Variants in VSTM4 observed in about 807,000 individuals in gnomAD.
VSTM4 encodes V-set and transmembrane domain containing 4.
VSTM4 carries 20 observed loss-of-function variants against 36.4 expected under a neutral mutation model. That is an observed-to-expected ratio of 0.55 (90% confidence interval 0.39 to 0.80). VSTM4 has a LOEUF of 0.80. Ranked by LOEUF, VSTM4 falls within the 30% of genes least tolerant of loss-of-function variation. The pLI is 0.00. For synonymous variants in VSTM4, 182 were observed against 173.9 expected, an observed-to-expected ratio of 1.05 and a Z score of -0.37; for missense variants, 392 against 404.5, an observed-to-expected ratio of 0.97 and a Z score of 0.26.
intron 1 of VSTM4, among the ~76,000 whole-genome samples, chr10:49,111,917 A>T (rs982913306): frequency 6.6e-6 from 1 of 152,062 alleles, no homozygotes; most frequent in Non-Finnish European, 1.5e-5. Flanking sequence ...GACTCTGGGG[A>T]TGTGAGCTTG....
intron 7 of VSTM4, among the ~76,000 whole-genome samples, chr10:49,027,840 G>A (rs561244953): frequency 5.8e-4 from 88 of 152,348 alleles, no homozygotes; most frequent in Middle Eastern, 3.4e-3. Context: ...CTCACCTGCT[G>A]GATGACTTGT....
At chr10:49,110,538 G>A (rs990661833) in intron 1 of VSTM4, among the ~76,000 whole-genome samples, 5 of 152,134 alleles carry the variant, frequency 3.3e-5, no homozygotes, top group Non-Finnish European at 7.3e-5. Flanking sequence ...GGGTTGAATT[G>A]TGTCCTCCCA....
At chr10:49,041,225 T>C (rs1315898500) in intron 7 of VSTM4, among the ~76,000 whole-genome samples, 1 of 152,174 alleles carries the variant, frequency 6.6e-6, no homozygotes, top group African/African-American at 2.4e-5. Flanking sequence ...AAACTAATGG[T>C]CTGATAGAGG....
At chr10:49,086,609 C>T (rs1227399013) in intron 2 of VSTM4, among the ~76,000 whole-genome samples, 4 of 152,164 alleles carry the variant, frequency 2.6e-5, no homozygotes, top group Admixed American at 2.6e-4. Flanking sequence ...TTGAACATCA[C>T]ATTAAAGGAG....
In VSTM4 at chr10:49,069,386, C is replaced by G. The variant is rs531870680; in HGVS notation, c.635-4650G>C. 2.6e-5 allele frequency among the ~76,000 whole-genome samples: 4 copies of G among 152,328 alleles called. No individual in the cohort carries two copies. The South Asian group carries it at 8.3e-4, about 32-fold the overall frequency. Reference sequence around the variant, plus strand: ...GAGGCAAGGACTGTGGCAACCCTGGCGTTGCAAGGGGTCACAGTACTTCAT... The same window carrying G: ...GAGGCAAGGACTGTGGCAACCCTGGGGTTGCAAGGGGTCACAGTACTTCAT... On this transcript the variant is annotated intron_variant, in intron 4 of 7. Coordinates refer to ENST00000332853, the MANE Select transcript of VSTM4 (RefSeq NM_001031746.5).
intron 5 of VSTM4, among the ~76,000 whole-genome samples, chr10:49,055,747 G>A (rs1246381079): frequency 6.6e-6 from 1 of 152,206 alleles, no homozygotes; most frequent in Non-Finnish European, 1.5e-5. Context: ...GATGAATGGT[G>A]CCACCCACTC....
At chr10:49,067,751 C>T (rs569495939) in intron 4 of VSTM4, among the ~76,000 whole-genome samples, 3 of 152,272 alleles carry the variant, frequency 2.0e-5, no homozygotes, top group Non-Finnish European at 2.9e-5. Flanking sequence ...TTTGCTGTGG[C>T]GGCCTCCGCA....
chr10:49,067,503 C>A (rs1369377443), intron 4 of VSTM4, among the ~76,000 whole-genome samples: 1 of 152,134 alleles, frequency 6.6e-6, no homozygotes, highest in Non-Finnish European at 1.5e-5. Context: ...TAAAATGAGG[C>A]CATTAGGCTG....
intron 2 of VSTM4, among the ~76,000 whole-genome samples, chr10:49,092,350 G>C (rs570666624): frequency 6.6e-6 from 1 of 152,280 alleles, no homozygotes; most frequent in South Asian, 2.1e-4. Flanking sequence ...AAGAAAGACT[G>C]AGTACAAGGA....
chr10:49,109,960 T>A (rs1387656199), intron 1 of VSTM4, among the ~76,000 whole-genome samples: 2 of 152,160 alleles, frequency 1.3e-5, no homozygotes, highest in Admixed American at 6.5e-5. Context: ...AAGCCCTGTG[T>A]GAAGTCCACA....
At position 49,065,453 on chromosome 10, in the gene VSTM4, G is replaced by T. The variant is rs535805655; in HGVS notation, c.635-717C>A. On this transcript the variant is annotated intron_variant, in intron 4 of 7. Coordinates refer to ENST00000332853, the MANE Select transcript of VSTM4 (RefSeq NM_001031746.5). ...CCCTCCCAAACTGACTCTGGGCTTG[G>T]CCATATGAACTTGCTTTGGTCAAGA... is the stretch of plus-strand genomic sequence containing the variant. Among the ~76,000 whole-genome samples, 7 of 152,292 alleles carry T rather than the reference G, an allele frequency of 4.6e-5. No homozygotes were observed. The East Asian group carries it at 5.8e-4, about 13-fold the overall frequency.
Position 49,019,591 on chromosome 10 carries a change from A to G in VSTM4, c.*59T>C, listed in dbSNP as rs1156388391. The G allele has an allele frequency of 1.9e-6, 3 of 1,547,340 alleles. No individual in the cohort carries two copies. In the African/African-American group the frequency reaches 4.1e-5, roughly 21 times the overall value. ...TACAGACATAAGGGCTTTGTCTCCA[A>G]GGCTTCATAAATCACTGGGTGGCAG... On this transcript the variant is annotated 3_prime_UTR_variant, in exon 8 of 8. Coordinates refer to ENST00000332853, the MANE Select transcript of VSTM4 (RefSeq NM_001031746.5).
chr10:49,059,113 C>T (rs1044371703), intron 5 of VSTM4, among the ~76,000 whole-genome samples: 20 of 152,228 alleles, frequency 1.3e-4, no homozygotes, highest in African/African-American at 4.6e-4. Context: ...CCAGTCTGGG[C>T]TGCACTAAGT....
chr10:49,085,865 T>C (rs1564588504), intron 3 of VSTM4, 90 bp downstream of exon 3: 1 of 779,786 alleles, frequency 1.3e-6, no homozygotes, highest in Non-Finnish European at 2.0e-6. Flanking sequence ...GTTGTGCACA[T>C]GTACCCTAGA....
intron 4 of VSTM4, among the ~76,000 whole-genome samples, chr10:49,073,175 A>G (rs1844113012): frequency 6.6e-6 from 1 of 152,224 alleles, no homozygotes; most frequent in South Asian, 2.1e-4. Flanking sequence ...CTACAGATCC[A>G]TGCAGATCTA....
At chr10:49,025,002 T>C (rs557954432) in intron 7 of VSTM4, among the ~76,000 whole-genome samples, 41 of 151,980 alleles carry the variant, frequency 2.7e-4, no homozygotes, top group Non-Finnish European at 5.7e-4. Context: ...TCTGATCCAA[T>C]TTGACTGGTG....
At chr10:49,088,420 C>T (rs1057300355) in intron 2 of VSTM4, among the ~76,000 whole-genome samples, 3 of 152,234 alleles carry the variant, frequency 2.0e-5, no homozygotes, top group Non-Finnish European at 4.4e-5. Flanking sequence ...CACCCAACCT[C>T]CTTGACCTGC....
At chr10:49,041,824 T>G (rs1163052924) in intron 7 of VSTM4, among the ~76,000 whole-genome samples, 1 of 152,206 alleles carries the variant, frequency 6.6e-6, no homozygotes. Context: ...AATCTTATTG[T>G]GAGAATTAAA....
chr10:49,044,549 A>AAAGT (rs1843575140), intron 7 of VSTM4, among the ~76,000 whole-genome samples: 1 of 150,760 alleles, frequency 6.6e-6, no homozygotes, highest in South Asian at 2.1e-4. Flanking sequence ...AGAAAGGAAG[A>AAAGT]AAGGAAGGAA....
Sources: allele counts gnomAD v4.1 joint callset (sites outside exome capture counted in the v4.1 genomes callset), GRCh38; gene constraint gnomAD v4.1.1; transcripts MANE v1.5; gene names NCBI Gene and HGNC (gene_info 2026-07-23, HGNC 2026-07-21).